PPIB: variants seen among roughly 807,000 people sequenced by gnomAD.
PPIB encodes peptidylprolyl isomerase B, also known as peptidyl-prolyl cis-trans isomerase B.
In PPIB, 15 loss-of-function variants were observed where a neutral mutation model predicts 20.1. The observed-to-expected ratio is 0.75, with a 90% CI of 0.50 to 1.15. The LOEUF is 1.15. Ranked by LOEUF, PPIB falls within the 50% of genes most tolerant of loss-of-function variation. The pLI is 0.00. For missense variants in PPIB, 278 were observed against 283.0 expected, an observed-to-expected ratio of 0.98 and a Z score of 0.13; for synonymous variants, 129 against 111.0, an observed-to-expected ratio of 1.16 and a Z score of -1.02.
intron 1 of PPIB, 109 bp downstream of exon 1, chr15:64,162,743 G>A: frequency 6.6e-7 from 1 of 1,521,500 alleles, no homozygotes; most frequent in Admixed American, 2.0e-5. Flanking sequence ...CGGCCCAGAC[G>A]CCACGAGGCC....
rs746706260 is a variant in PPIB at position 64,156,100 on chromosome 15, T to C, written c.574A>G (p.Lys192Glu). The C allele has an allele frequency of 3.7e-6, 6 of 1,614,208 alleles. No homozygotes were observed. Among genetic ancestry groups the C allele is most frequent in the South Asian group, 1.1e-5 (1 of 91,086 alleles). Residue 192 changes from lysine to glutamate, a missense_variant, in exon 5 of 5, where the codon AAA (lysine) becomes GAA (glutamate). Transcript: ENST00000300026. The surrounding 1 kb of genome is among the most constrained non-coding windows in gnomAD (Gnocchi z 6.4). ...VESTKTDSRD[K>E]PLKDVIIADC... ...GCGATGATCACATCCTTCAGGGGTT[T>C]ATCCCGGCTGTCTGTCTTGGTGCTC...
chr15:64,162,797 C>A, intron 1 of PPIB, 55 bp downstream of exon 1: 4 of 1,586,020 alleles, frequency 2.5e-6, no homozygotes, highest in Non-Finnish European at 2.6e-6. Context: ...AAGGCCAAGC[C>A]AAGGCCGCCC....
rs765392059 is a variant in PPIB at position 64,162,114 on chromosome 15, C to T, written c.176G>A (p.Arg59Gln). 12 of 1,614,114 alleles carry T rather than the reference C, an allele frequency of 7.4e-6. No individual in the cohort carries two copies. The highest frequency in any genetic ancestry group is 9.3e-6 in the Non-Finnish European group (11 of 1,179,974). ...CTTTCCGAAGAGACCAAAGATCACC[C>T]GGCCTACATCTTCATCTCCAATTCG... Reference protein sequence around the residue: ...DLRIGDEDVGRVIFGLFGKTV... With the variant: ...DLRIGDEDVGQVIFGLFGKTV... Residue 59 changes from arginine (R) to glutamine (Q), a missense_variant, in exon 2 of 5, where the codon CGG becomes CAG. Transcript: ENST00000300026.
rs1360477876 is a variant in PPIB, at chr15:64,158,622, G to A, written c.343+1482C>T. 6.6e-6 allele frequency among the ~76,000 whole-genome samples: 1 copy of A among 152,164 alleles called. No individual in the cohort carries two copies. The highest frequency in any genetic ancestry group is 1.5e-5 in the Non-Finnish European group (1 of 68,024). On this transcript the variant is annotated intron_variant, in intron 3 of 4. Transcript: ENST00000300026. The surrounding 1 kb of genome is among the most constrained non-coding windows in gnomAD (Gnocchi z 4.7). The stretch of plus-strand genomic sequence containing the variant: ...TCCTCTTACTCAGCTCTGTGGCCCT[G>A]ACTCCCTGCAGGCCGAAGCCCAGGC...
rs551602838 is a variant in PPIB at position 64,160,551 on chromosome 15, C to T, written c.250-354G>A. ...AAAGTTAATATAAACTGAAATAGGG[C>T]ACTGTTGTTTCCTTAAAACCCACTG... On this transcript the variant is annotated intron_variant, in intron 2 of 4. Coordinates refer to ENST00000300026, the MANE Select transcript of PPIB (RefSeq NM_000942.5). This position sits in a 1 kb window ranked among gnomAD's most constrained non-coding sequence, Gnocchi z 4.8. Among the ~76,000 whole-genome samples, 9 of 152,348 alleles carry T rather than the reference C, an allele frequency of 5.9e-5. No homozygotes were observed. In the East Asian group the frequency reaches 1.5e-3, roughly 26 times the overall value.
In PPIB at chr15:64,162,115, G is replaced by T. The variant is rs750516270; in HGVS notation, c.175C>A (p.Arg59=). 1 of 1,614,066 alleles carries T rather than the reference G, an allele frequency of 6.2e-7. No individual in the cohort carries two copies. Among genetic ancestry groups the T allele is most frequent in the South Asian group, 1.1e-5 (1 of 91,084 alleles). Residue 59 remains arginine, a synonymous_variant, in exon 2 of 5, where the codon CGG becomes AGG. Transcript: ENST00000300026. ...TTTCCGAAGAGACCAAAGATCACCC[G>T]GCCTACATCTTCATCTCCAATTCGT... ...DLRIGDEDVG[R]VIFGLFGKTV...
rs777787222 is a variant in PPIB at position 64,160,174 on chromosome 15, GC to G, written c.272del (p.Ser91ThrfsTer6). On this transcript the variant is annotated frameshift_variant, in exon 3 of 5. Coordinates refer to ENST00000300026, the MANE Select transcript of PPIB (RefSeq NM_000942.5). LOFTEE classifies it high-confidence loss of function. The surrounding 1 kb of genome is among the most constrained non-coding windows in gnomAD (Gnocchi z 4.8). ...TGEKGFGYKN[S>X]KFHRVIKDFM... ...AGTCCTTGATTACACGATGGAATTTGCTGTTTTTGTAGCCAAATCCTTTCTA... is the reference window on the plus strand; with the variant it reads ...AGTCCTTGATTACACGATGGAATTTGTGTTTTTGTAGCCAAATCCTTTCTA... The G allele has an allele frequency of 5.6e-6, 9 of 1,614,008 alleles. No individual in the cohort carries two copies. The highest frequency in any genetic ancestry group is 7.6e-6 in the Non-Finnish European group (9 of 1,179,850).
chr15:64,158,891 A>C lies in PPIB; in HGVS notation c.343+1213T>G, dbSNP rs563276171. 6.6e-5 allele frequency among the ~76,000 whole-genome samples: 10 copies of C among 152,216 alleles called. No individual in the cohort carries two copies. The highest frequency in any genetic ancestry group is 3.4e-3 in the Middle Eastern group (1 of 294). On this transcript the variant is annotated intron_variant, in intron 3 of 4. Coordinates refer to ENST00000300026, the MANE Select transcript of PPIB (RefSeq NM_000942.5). The surrounding 1 kb of genome is among the most constrained non-coding windows in gnomAD (Gnocchi z 4.7). ...GCACTTCAACAATGGCTGACTTACT[A>C]AGCACTCACTGCATGCCAGGCACTT...
At position 64,156,149 on chromosome 15, in the gene PPIB, G is replaced by A; in HGVS notation, c.529-4C>T. 2 of 1,614,084 alleles carry A rather than the reference G, an allele frequency of 1.2e-6. No individual in the cohort carries two copies. Among genetic ancestry groups the A allele is most frequent in the Non-Finnish European group, 1.7e-6 (2 of 1,180,018 alleles). ...TCTCCACCTTCCGCACCACCTCCTGGAAAAGAAAGGTGGAAGCAGGAGGGC... is the reference window on the plus strand; with the variant it reads ...TCTCCACCTTCCGCACCACCTCCTGAAAAAGAAAGGTGGAAGCAGGAGGGC... On this transcript the variant is annotated splice_region_variant and splice_polypyrimidine_tract_variant and intron_variant, in intron 4 of 4. Transcript: ENST00000300026. This position sits in a 1 kb window ranked among gnomAD's most constrained non-coding sequence, Gnocchi z 6.4.
chr15:64,162,063 A>C lies in PPIB; in HGVS notation c.227T>G (p.Phe76Cys). The C allele has an allele frequency of 1.2e-6, 2 of 1,613,822 alleles. No homozygotes were observed. The highest frequency in any genetic ancestry group is 1.7e-6 in the Non-Finnish European group (2 of 1,179,682). The change falls in exon 2 of 5, where the codon TTT becomes TGT. Residue 76 changes from phenylalanine (F) to cysteine (C), a missense_variant. Physicochemically the swap from Phe to Cys is radical, Grantham distance 205. Transcript: ENST00000300026. ...GKTVPKTVDN[F>C]VALATGEKGF... ...TACCTCTCCTGTAGCTAAGGCCACA[A>C]AATTATCCACTGTTTTTGGAACAGT...
In PPIB at chr15:64,157,005, T is replaced by G; in HGVS notation, c.344-96A>C. 1 of 1,315,820 alleles carries G rather than the reference T, an allele frequency of 7.6e-7. No individual in the cohort carries two copies. Among genetic ancestry groups the G allele is most frequent in the Non-Finnish European group, 1.1e-6 (1 of 936,568 alleles). 81.5% of individuals were successfully genotyped at this position (1,315,820 alleles called of 1,614,324 possible). ...CTGAGGGGGCTTAACCTGTCCTCTG[T>G]GCCAGGCTAGGCTGGAGTGGACTAC... On this transcript the variant is annotated intron_variant, in intron 3 of 4. Coordinates refer to ENST00000300026, the MANE Select transcript of PPIB (RefSeq NM_000942.5). The surrounding 1 kb of genome is among the most constrained non-coding windows in gnomAD (Gnocchi z 4.2).
chr15:64,156,861 T>C lies in PPIB; in HGVS notation c.392A>G (p.Lys131Arg). The change falls in exon 4 of 5, where the codon AAG (lysine) becomes AGG (arginine). Residue 131 changes from lysine (K) to arginine (R), a missense_variant. Coordinates refer to ENST00000300026, the MANE Select transcript of PPIB (RefSeq NM_000942.5). The surrounding 1 kb of genome is among the most constrained non-coding windows in gnomAD (Gnocchi z 6.4). ...ERFPDENFKL[K>R]HYGPGWVSMA... Reference sequence around the variant, plus strand: ...GCTCACCCAGCCAGGCCCGTAGTGCTTCAGTTTGAAGTTCTCATCGGGGAA... The same window carrying C: ...GCTCACCCAGCCAGGCCCGTAGTGCCTCAGTTTGAAGTTCTCATCGGGGAA... 1 of 1,614,206 alleles carries C rather than the reference T, an allele frequency of 6.2e-7. No individual in the cohort carries two copies. Among genetic ancestry groups the C allele is most frequent in the South Asian group, 1.1e-5 (1 of 91,078 alleles).
Position 64,157,020 on chromosome 15 carries a change from G to T in PPIB, c.344-111C>A. The T allele has an allele frequency of 8.6e-7, 1 of 1,166,984 alleles. No individual in the cohort carries two copies. Among genetic ancestry groups the T allele is most frequent in the Non-Finnish European group, 1.2e-6 (1 of 817,166 alleles). The allele number at this position is 1,166,984 out of a possible 1,614,324, so 72.3% of individuals were successfully genotyped here. ...CTGTCCTCTGTGCCAGGCTAGGCTGGAGTGGACTACAAGGACATAAAAGCA... is the reference window on the plus strand; with the variant it reads ...CTGTCCTCTGTGCCAGGCTAGGCTGTAGTGGACTACAAGGACATAAAAGCA... On this transcript the variant is annotated intron_variant, in intron 3 of 4. Coordinates refer to ENST00000300026, the MANE Select transcript of PPIB (RefSeq NM_000942.5). The surrounding 1 kb of genome is among the most constrained non-coding windows in gnomAD (Gnocchi z 4.2).
At position 64,156,756 on chromosome 15, in the gene PPIB, T is replaced by G; in HGVS notation, c.497A>C (p.His166Pro). The G allele has an allele frequency of 2.5e-6, 4 of 1,614,172 alleles. No individual in the cohort carries two copies. The highest frequency in any genetic ancestry group is 3.4e-6 in the Non-Finnish European group (4 of 1,180,028). ...TVKTAWLDGK[H>P]VVFGKVLEGM... ...CTCTAGAACTTTGCCAAACACCACA[T>G]GCTTGCCATCTAGCCAGGCTGTCTT... The change falls in exon 4 of 5, where the codon CAT becomes CCT. Residue 166 changes from histidine to proline, a missense_variant. Coordinates refer to ENST00000300026, the MANE Select transcript of PPIB (RefSeq NM_000942.5). This position sits in a 1 kb window ranked among gnomAD's most constrained non-coding sequence, Gnocchi z 6.4.
Position 64,158,315 on chromosome 15 carries a change from A to G in PPIB, c.344-1406T>C, listed in dbSNP as rs1191052728. On this transcript the variant is annotated intron_variant, in intron 3 of 4. Transcript: ENST00000300026. The surrounding 1 kb of genome is among the most constrained non-coding windows in gnomAD (Gnocchi z 4.7). Reference sequence around the variant, plus strand: ...CCAGAGACTGTTCCAAGCATCTTACATATTTAACAATCCACTCTATGAGGA... The same window carrying G: ...CCAGAGACTGTTCCAAGCATCTTACGTATTTAACAATCCACTCTATGAGGA... Among the ~76,000 whole-genome samples the G allele has an allele frequency of 6.6e-6, 1 of 152,142 alleles. No individual in the cohort carries two copies. Among genetic ancestry groups the G allele is most frequent in the Non-Finnish European group, 1.5e-5 (1 of 68,028 alleles).
Position 64,157,350 on chromosome 15 carries a change from G to A in PPIB, c.344-441C>T. 1 of 199,982 alleles carries A rather than the reference G, an allele frequency of 5.0e-6. No homozygotes were observed. The highest frequency in any genetic ancestry group is 1.0e-5 in the Non-Finnish European group (1 of 96,506). 12.4% of individuals were successfully genotyped at this position (199,982 alleles called of 1,614,324 possible). On this transcript the variant is annotated intron_variant, in intron 3 of 4. Coordinates refer to ENST00000300026, the MANE Select transcript of PPIB (RefSeq NM_000942.5). This position sits in a 1 kb window ranked among gnomAD's most constrained non-coding sequence, Gnocchi z 4.2. ...TTTCCTATGAGCACAAAAGACACAG[G>A]CATAGCTGCAGAGGAGAAAGCAGCC...
Position 64,159,611 on chromosome 15 carries a change from A to G in PPIB, c.343+493T>C, listed in dbSNP as rs1392795621. 3.7e-5 allele frequency: 7 copies of G among 187,114 alleles called. No homozygotes were observed. The highest frequency in any genetic ancestry group is 7.9e-5 in the Non-Finnish European group (7 of 88,518). The allele number at this position is 187,114 out of a possible 1,614,324, so 11.6% of individuals were successfully genotyped here. On this transcript the variant is annotated intron_variant, in intron 3 of 4. Coordinates refer to ENST00000300026, the MANE Select transcript of PPIB (RefSeq NM_000942.5). This position sits in a 1 kb window ranked among gnomAD's most constrained non-coding sequence, Gnocchi z 5.1. ...GAGATGGGGTTTCAACATGTTGGCC[A>G]GGCTGGTCTTGAACTCCTGGCCTCA...
Position 64,161,422 on chromosome 15 carries a change from C to T in PPIB, c.249+619G>A, listed in dbSNP as rs1395129156. 6.6e-6 allele frequency among the ~76,000 whole-genome samples: 1 copy of T among 151,728 alleles called. No individual in the cohort carries two copies. Among genetic ancestry groups the T allele is most frequent in the Non-Finnish European group, 1.5e-5 (1 of 67,972 alleles). On this transcript the variant is annotated intron_variant, in intron 2 of 4. Transcript: ENST00000300026. This position sits in a 1 kb window ranked among gnomAD's most constrained non-coding sequence, Gnocchi z 4.2. ...CACAGGTGCACCCCGTCACACCCAG[C>T]TAATTAAAAAAAATTTTTTTTGGCC... is the stretch of plus-strand genomic sequence containing the variant.
chr15:64,156,224 C>T lies in PPIB; in HGVS notation c.529-79G>A. ...TCAGGAGAAAGGCCCCAGCGTATGG[C>T]TCAGGAGGGCTAAGACCCACAAGTG... On this transcript the variant is annotated intron_variant, in intron 4 of 4. Transcript: ENST00000300026. This position sits in a 1 kb window ranked among gnomAD's most constrained non-coding sequence, Gnocchi z 6.4. 1 of 1,567,926 alleles carries T rather than the reference C, an allele frequency of 6.4e-7. No individual in the cohort carries two copies. The highest frequency in any genetic ancestry group is 1.8e-5 in the Admixed American group (1 of 56,058).
Sources: allele counts gnomAD v4.1 joint callset (sites outside exome capture counted in the v4.1 genomes callset), GRCh38; gene constraint gnomAD v4.1.1; non-coding constraint Gnocchi (gnomAD v3.1); transcripts MANE v1.5; gene names NCBI Gene and HGNC (gene_info 2026-07-23, HGNC 2026-07-21).